CNTNAP5: variants seen among roughly 807,000 people sequenced by gnomAD.
CNTNAP5 encodes contactin associated protein family member 5.
A neutral mutation model predicts 150.2 loss-of-function variants in CNTNAP5; 72 were observed. The ratio of observed to expected loss-of-function variants is 0.48; its 90% CI spans 0.40 to 0.58. The LOEUF (loss-of-function observed/expected upper bound fraction) is 0.58, where lower values mean the gene tolerates loss of function less well. Ranked by LOEUF, CNTNAP5 falls within the 20% of genes least tolerant of loss-of-function variation. The pLI is 0.00. For synonymous variants in CNTNAP5, 672 were observed against 619.8 expected, an observed-to-expected ratio of 1.08 and a Z score of -1.25; for missense variants, 1,636 against 1,626.2, an observed-to-expected ratio of 1.01 and a Z score of -0.10.
At chr2:124,146,348 C>T (rs1684255030) in intron 1 of CNTNAP5, among the ~76,000 whole-genome samples, 1 of 152,110 alleles carries the variant, frequency 6.6e-6, no homozygotes, top group Non-Finnish European at 1.5e-5. Context: ...GGGTAGGACA[C>T]AGGAATATGA....
intron 20 of CNTNAP5, among the ~76,000 whole-genome samples, chr2:124,866,747 A>G (rs1677640395): frequency 6.6e-6 from 1 of 152,080 alleles, no homozygotes; most frequent in Non-Finnish European, 1.5e-5. Flanking sequence ...CATCCCCTTT[A>G]AAATCATGAC....
chr2:124,121,429 T>C (rs1160346806), intron 1 of CNTNAP5, among the ~76,000 whole-genome samples: 1 of 152,164 alleles, frequency 6.6e-6, no homozygotes, highest in African/African-American at 2.4e-5. Context: ...GGCTTTCTCC[T>C]TTTTCTGTAT....
At chr2:124,678,024 TGTCTTAA>T (rs1678984043) in intron 13 of CNTNAP5, among the ~76,000 whole-genome samples, 1 of 151,912 alleles carries the variant, frequency 6.6e-6, no homozygotes, top group Non-Finnish European at 1.5e-5. Flanking sequence ...AGTTCCCACA[TGTCTTAA>T]GTCTCTGCCT....
chr2:124,281,855 A>G (rs1015848928), intron 3 of CNTNAP5, among the ~76,000 whole-genome samples: 9 of 152,154 alleles, frequency 5.9e-5, no homozygotes, highest in African/African-American at 1.7e-4. Context: ...CCGAACAGCA[A>G]TCTCTTTCTG....
At chr2:124,779,839 C>T (rs1052967848) in intron 17 of CNTNAP5, among the ~76,000 whole-genome samples, 2 of 152,092 alleles carry the variant, frequency 1.3e-5, no homozygotes, top group African/African-American at 4.8e-5. Flanking sequence ...GGGAGTCTAT[C>T]CTGGTACACC....
At chr2:124,576,701 A>C (rs1216483496) in intron 11 of CNTNAP5, among the ~76,000 whole-genome samples, 1 of 152,196 alleles carries the variant, frequency 6.6e-6, no homozygotes, top group Non-Finnish European at 1.5e-5. Context: ...AGGCTCTAAC[A>C]ATTACTAATT....
At chr2:124,316,804 CAAAAA>C (rs56812690) in intron 3 of CNTNAP5, among the ~76,000 whole-genome samples, 34 of 54,776 alleles carry the variant, frequency 6.2e-4, no homozygotes, top group Admixed American at 8.3e-4. Flanking sequence ...GACTCCATCT[CAAAAA>C]AAAAAAAAAA....
At chr2:124,116,512 C>T (rs1271934464) in intron 1 of CNTNAP5, among the ~76,000 whole-genome samples, 2 of 152,204 alleles carry the variant, frequency 1.3e-5, no homozygotes, top group Non-Finnish European at 2.9e-5. Flanking sequence ...CTGAGGTGAG[C>T]TTCGTTGTTT....
At chr2:124,799,135 A>C (rs761802509) in intron 19 of CNTNAP5, among the ~76,000 whole-genome samples, 49 of 152,286 alleles carry the variant, frequency 3.2e-4, no homozygotes, top group South Asian at 1.5e-3. Flanking sequence ...TTCAATTTGC[A>C]TGGTATCTAA....
chr2:124,411,331 C>G (rs1455438273), intron 3 of CNTNAP5, among the ~76,000 whole-genome samples: 1 of 152,068 alleles, frequency 6.6e-6, no homozygotes, highest in Non-Finnish European at 1.5e-5. Flanking sequence ...CCTTCTGAAA[C>G]TATTCCAATC....
At chr2:124,142,429 A>C (rs1184168451) in intron 1 of CNTNAP5, among the ~76,000 whole-genome samples, 1 of 151,924 alleles carries the variant, frequency 6.6e-6, no homozygotes, top group African/African-American at 2.4e-5. Flanking sequence ...CAGAAATTAT[A>C]ACAAACTATC....
intron 14 of CNTNAP5, among the ~76,000 whole-genome samples, chr2:124,748,082 A>C (rs1680648066): frequency 1.3e-5 from 2 of 151,988 alleles, no homozygotes; most frequent in South Asian, 4.1e-4. Flanking sequence ...ATGTGGGGTT[A>C]TATAGGCTGT....
At chr2:124,721,535 A>G (rs1262671864) in intron 13 of CNTNAP5, among the ~76,000 whole-genome samples, 1 of 148,960 alleles carries the variant, frequency 6.7e-6, no homozygotes, top group Non-Finnish European at 1.5e-5. Context: ...TAAAAAAACA[A>G]AAAAGAAAAA....
chr2:124,043,543 G>A (rs1017323848), intron 1 of CNTNAP5, among the ~76,000 whole-genome samples: 8 of 151,998 alleles, frequency 5.3e-5, no homozygotes, highest in African/African-American at 1.9e-4. Context: ...TCTATGACAT[G>A]ATTCCTTTCC....
At chr2:124,740,289 A>C (rs1680470734) in intron 13 of CNTNAP5, among the ~76,000 whole-genome samples, 1 of 152,184 alleles carries the variant, frequency 6.6e-6, no homozygotes, top group South Asian at 2.1e-4. Context: ...AGTTGTGAGA[A>C]TAGTTTCTTC....
In CNTNAP5 at chr2:124,474,894, C is replaced by T. The variant is rs765069104; in HGVS notation, c.1062+12C>T. ...AGATCTATACTGTGGTAAGTCAGCC[C>T]ATCTGTTTTGTCTTGATGGTTTCTA... On this transcript the variant is annotated intron_variant, in intron 7 of 23. Coordinates refer to ENST00000682447, the MANE Select transcript of CNTNAP5 (RefSeq NM_001367498.1). 2 of 1,589,806 alleles carry T rather than the reference C, an allele frequency of 1.3e-6. No homozygotes were observed. The highest frequency in any genetic ancestry group is 1.2e-5 in the South Asian group (1 of 86,092).
chr2:124,366,015 C>T (rs1430266), intron 3 of CNTNAP5, among the ~76,000 whole-genome samples: 24,008 of 152,118 alleles, frequency 0.16, 1,867 homozygotes, highest in East Asian at 0.18. Context: ...TATCCTATAA[C>T]CCCTGTTACA....
At chr2:124,209,818 A>G (rs1418769853) in intron 1 of CNTNAP5, among the ~76,000 whole-genome samples, 1 of 152,194 alleles carries the variant, frequency 6.6e-6, no homozygotes, top group Non-Finnish European at 1.5e-5. Flanking sequence ...GACCCCATAA[A>G]GGAGAAAAGG....
chr2:124,332,126 C>G (rs990471844), intron 3 of CNTNAP5, among the ~76,000 whole-genome samples: 1 of 151,540 alleles, frequency 6.6e-6, no homozygotes, highest in Non-Finnish European at 1.5e-5. Flanking sequence ...TTCTATAAAT[C>G]TCTCTCTTCT....
Sources: gnomAD v4.1 joint callset for allele counts (sites outside exome capture counted in the v4.1 genomes callset) on GRCh38, gnomAD v4.1.1 for gene constraint, MANE v1.5 for transcripts, NCBI Gene and HGNC (gene_info 2026-07-23, HGNC 2026-07-21) for gene names.